NWD1: variants seen among roughly 807,000 people sequenced by gnomAD.
NWD1 encodes NACHT and WD repeat domain containing 1, also known as NACHT domain- and WD repeat-containing protein 1.
Under a neutral mutation model 135.1 loss-of-function variants are expected in NWD1, and 129 were observed. The observed-to-expected ratio is 0.96, with a 90% CI of 0.83 to 1.11. The LOEUF (loss-of-function observed/expected upper bound fraction) is 1.11. NWD1 is among the 50% of genes least tolerant of loss of function. The pLI, the probability that NWD1 is intolerant of heterozygous loss-of-function variation, is 0.00. For synonymous variants in NWD1, 773 were observed against 786.0 expected, an observed-to-expected ratio of 0.98 and a Z score of 0.28; for missense variants, 1,740 against 1,851.3, an observed-to-expected ratio of 0.94 and a Z score of 1.10.
intron 6 of NWD1, among the ~76,000 whole-genome samples, chr19:16,752,923 A>G (rs975766458): frequency 2.6e-5 from 4 of 152,162 alleles, no homozygotes; most frequent in African/African-American, 9.7e-5. Flanking sequence ...TTGTTGAGCC[A>G]GGAGGTCATG....
At chr19:16,754,131 G>T (rs1016420543) in intron 6 of NWD1, among the ~76,000 whole-genome samples, 2 of 136,360 alleles carry the variant, frequency 1.5e-5, no homozygotes, top group African/African-American at 5.6e-5. Context: ...CCATCATCTT[G>T]ACCTTTCATC....
At chr19:16,754,817 T>C (rs907799336) in intron 6 of NWD1, among the ~76,000 whole-genome samples, 1 of 151,274 alleles carries the variant, frequency 6.6e-6, no homozygotes, top group East Asian at 2.0e-4. Context: ...CATCCATCCA[T>C]CCACACATCA....
chr19:16,804,426 C>T (rs1421128715), intron 17 of NWD1, among the ~76,000 whole-genome samples: 1 of 151,948 alleles, frequency 6.6e-6, no homozygotes, highest in Non-Finnish European at 1.5e-5. Flanking sequence ...GAGACCCCAC[C>T]TCTACAAAAA....
At chr19:16,730,063 C>T (rs185414208) in intron 2 of NWD1, among the ~76,000 whole-genome samples, 19 of 152,258 alleles carry the variant, frequency 1.2e-4, no homozygotes, top group Admixed American at 5.2e-4. Context: ...GTGGCTCACG[C>T]CTGTGATCCC....
At chr19:16,763,003 C>G (rs184718134) in intron 8 of NWD1, among the ~76,000 whole-genome samples, 31 of 152,194 alleles carry the variant, frequency 2.0e-4, no homozygotes, top group South Asian at 8.3e-4. Context: ...AGGCTGGTCT[C>G]GAACTCCTGA....
intron 4 of NWD1, among the ~76,000 whole-genome samples, chr19:16,741,368 G>GTT (rs11292982): frequency 0.016 from 2,015 of 124,990 alleles, 74 homozygotes; most frequent in African/African-American, 0.057. Flanking sequence ...TTGTTTTTGT[G>GTT]TTTTTTTTTT....
intron 9 of NWD1, among the ~76,000 whole-genome samples, chr19:16,764,329 T>TATCC (rs1218125630): frequency 6.6e-5 from 10 of 151,936 alleles, no homozygotes; most frequent in Non-Finnish European, 8.8e-5. Context: ...TTCATCCACC[T>TATCC]ATCCATCCAT....
chr19:16,759,811 T>C (rs1968939705), intron 7 of NWD1, among the ~76,000 whole-genome samples: 2 of 151,484 alleles, frequency 1.3e-5, no homozygotes, highest in South Asian at 4.2e-4. Flanking sequence ...CTGACCAACA[T>C]GGTGAAACCC....
intron 1 of NWD1, among the ~76,000 whole-genome samples, chr19:16,721,780 G>A (rs964234051): frequency 8.5e-5 from 13 of 152,098 alleles, no homozygotes; most frequent in East Asian, 5.8e-4. Flanking sequence ...GAATGGTGAC[G>A]CTCAACTCTA....
chr19:16,804,716 A>T (rs1041078892), intron 17 of NWD1, among the ~76,000 whole-genome samples: 2 of 151,518 alleles, frequency 1.3e-5, no homozygotes, highest in East Asian at 1.9e-4. Context: ...ATTTTTTTTT[A>T]AATTTGGTAT....
intron 3 of NWD1, among the ~76,000 whole-genome samples, chr19:16,732,902 GA>G (rs150449559): frequency 0.021 from 3,123 of 152,150 alleles, 109 homozygotes; most frequent in African/African-American, 0.072. Context: ...TTATGAGAAT[GA>G]TTCATTGCAC....
chr19:16,726,186 T>G (rs958468526), intron 2 of NWD1, among the ~76,000 whole-genome samples: 1 of 152,074 alleles, frequency 6.6e-6, no homozygotes, highest in Non-Finnish European at 1.5e-5. Flanking sequence ...GGTCTCGAAC[T>G]CTTGACCTCA....
intron 12 of NWD1, among the ~76,000 whole-genome samples, chr19:16,786,726 T>C (rs1486957836): frequency 6.6e-6 from 1 of 151,974 alleles, no homozygotes; most frequent in East Asian, 1.9e-4. Flanking sequence ...TTCGTATTTT[T>C]AGTAGAGACG....
chr19:16,732,568 C>G (rs12975018), intron 3 of NWD1, among the ~76,000 whole-genome samples: 80,056 of 141,016 alleles, frequency 0.57, 23,516 homozygotes, highest in African/African-American at 0.64. Flanking sequence ...GCCCCTAATG[C>G]TGTCTCCTTG....
At chr19:16,769,061 G>T (rs901005082) in intron 10 of NWD1, among the ~76,000 whole-genome samples, 3 of 152,220 alleles carry the variant, frequency 2.0e-5, no homozygotes, top group Admixed American at 6.5e-5. Context: ...AACGGCCGGG[G>T]TGGCTCAAGC....
chr19:16,744,073 T>A (rs1234368278), intron 4 of NWD1, among the ~76,000 whole-genome samples: 1 of 152,072 alleles, frequency 6.6e-6, no homozygotes, highest in African/African-American at 2.4e-5. Flanking sequence ...GTCATTTACT[T>A]ATATATTGAA....
intron 11 of NWD1, among the ~76,000 whole-genome samples, chr19:16,778,802 A>G (rs1274047676): frequency 6.6e-6 from 1 of 152,102 alleles, no homozygotes; most frequent in East Asian, 1.9e-4. Context: ...GGCCTCCCAC[A>G]GTGCTGGGTG....
chr19:16,797,136 T>C (rs1048660466), intron 15 of NWD1, among the ~76,000 whole-genome samples: 10 of 150,020 alleles, frequency 6.7e-5, no homozygotes, highest in Non-Finnish European at 1.2e-4. Flanking sequence ...GCCAAGATCA[T>C]GCCACTGCAC....
In NWD1 at chr19:16,749,573, A is replaced by T. The variant is rs1179608845; in HGVS notation, c.931A>T (p.Thr311Ser). 6.2e-7 allele frequency: 1 copy of T among 1,613,036 alleles called. No individual in the cohort carries two copies. The highest frequency in any genetic ancestry group is 1.7e-5 in the Admixed American group (1 of 59,976). Residue 311 changes from threonine to serine, a missense_variant, in exon 6 of 19, where the codon ACC becomes TCC. Coordinates refer to ENST00000524140, the MANE Select transcript of NWD1 (RefSeq NM_001007525.5). Reference protein sequence around the residue: ...HLWQSSEVIQTFCGRQELLAR... With the variant: ...HLWQSSEVIQSFCGRQELLAR... The stretch of plus-strand genomic sequence containing the variant: ...TTGGCAGAGCTCGGAGGTCATTCAG[A>T]CCTTCTGCGGACGCCAGGAACTCCT...
Sources: allele counts gnomAD v4.1 joint callset (sites outside exome capture counted in the v4.1 genomes callset), GRCh38; gene constraint gnomAD v4.1.1; transcripts MANE v1.5; gene names NCBI Gene and HGNC (gene_info 2026-07-23, HGNC 2026-07-21).